Variants in MEI4 observed in about 807,000 individuals in gnomAD.
MEI4 encodes meiotic double-stranded break formation protein 4.
Under a neutral mutation model 31.4 loss-of-function variants are expected in MEI4, and 27 were observed. The ratio of observed to expected loss-of-function variants is 0.86; its 90% CI spans 0.63 to 1.19. MEI4 has a LOEUF of 1.19. Among genes scored for constraint, MEI4 ranks in the 50% most tolerant of loss-of-function variants. The pLI, the probability that MEI4 is intolerant of heterozygous loss-of-function variation, is 0.00. For missense variants in MEI4, 329 were observed against 398.9 expected, an observed-to-expected ratio of 0.82 and a Z score of 1.49; for synonymous variants, 122 against 145.4, an observed-to-expected ratio of 0.84 and a Z score of 1.16.
intron 3 of MEI4, among the ~76,000 whole-genome samples, chr6:77,775,352 G>A (rs962841586): frequency 1.3e-5 from 2 of 151,512 alleles, no homozygotes; most frequent in Admixed American, 6.6e-5. Context: ...CCTTTCCCCC[G>A]AGTCCCCAAA....
At chr6:77,727,458 G>T (rs768973639) in intron 2 of MEI4, among the ~76,000 whole-genome samples, 39 of 152,268 alleles carry the variant, frequency 2.6e-4, no homozygotes, top group Non-Finnish European at 4.0e-4. Flanking sequence ...GGGACAGTCT[G>T]AACTATTGAT....
chr6:77,837,674 T>G (rs1770253796), intron 4 of MEI4, among the ~76,000 whole-genome samples: 1 of 152,184 alleles, frequency 6.6e-6, no homozygotes, highest in South Asian at 2.1e-4. Flanking sequence ...ATCTTGATCT[T>G]TACATAAAAT....
At chr6:77,767,007 G>A (rs1377532240) in intron 3 of MEI4, among the ~76,000 whole-genome samples, 1 of 152,020 alleles carries the variant, frequency 6.6e-6, no homozygotes, top group Non-Finnish European at 1.5e-5. Flanking sequence ...TAACCACTCT[G>A]CTTTGAGAAT....
intron 3 of MEI4, among the ~76,000 whole-genome samples, chr6:77,766,415 TA>T (rs1768175333): frequency 6.6e-6 from 1 of 152,084 alleles, no homozygotes; most frequent in African/African-American, 2.4e-5. Flanking sequence ...ATCAGATATT[TA>T]TTTATTTATT....
chr6:77,713,889 C>T (rs1766521004), intron 2 of MEI4, among the ~76,000 whole-genome samples: 1 of 152,096 alleles, frequency 6.6e-6, no homozygotes, highest in Non-Finnish European at 1.5e-5. Flanking sequence ...GTCTGCCATG[C>T]TTATTGCCTC....
At chr6:77,710,539 A>AAAAT (rs1561953994) in intron 2 of MEI4, among the ~76,000 whole-genome samples, 1 of 120,744 alleles carries the variant, frequency 8.3e-6, no homozygotes. Flanking sequence ...AAAAAAAAAA[A>AAAAT]AAAGAAAAGG....
chr6:77,794,422 G>T (rs1769023715), intron 3 of MEI4, among the ~76,000 whole-genome samples: 1 of 152,076 alleles, frequency 6.6e-6, no homozygotes, highest in African/African-American at 2.4e-5. Context: ...TATTAGCCGG[G>T]TGTGGTGGTG....
At chr6:77,698,167 T>G (rs1257453843) in intron 2 of MEI4, among the ~76,000 whole-genome samples, 5 of 152,192 alleles carry the variant, frequency 3.3e-5, no homozygotes, top group Admixed American at 3.3e-4. Context: ...TGTCTCTGCA[T>G]GTGAGATGAG....
At chr6:77,755,773 A>G (rs1247362696) in intron 2 of MEI4, among the ~76,000 whole-genome samples, 1 of 151,840 alleles carries the variant, frequency 6.6e-6, no homozygotes, top group Non-Finnish European at 1.5e-5. Flanking sequence ...GATCTCCATA[A>G]TTATGTAATA....
intron 2 of MEI4, among the ~76,000 whole-genome samples, chr6:77,703,550 A>T (rs144703552): frequency 6.6e-6 from 1 of 152,064 alleles, no homozygotes; most frequent in Non-Finnish European, 1.5e-5. Flanking sequence ...TATATTTAGG[A>T]TTACATTTAT....
At chr6:77,756,482 G>C (rs1262876931) in intron 2 of MEI4, among the ~76,000 whole-genome samples, 1 of 151,910 alleles carries the variant, frequency 6.6e-6, no homozygotes, top group South Asian at 2.1e-4. Context: ...AACTAAATTG[G>C]TTATGGGTTA....
rs1043932483 is a variant in MEI4 at position 77,820,989 on chromosome 6, C to T, written c.769-7942C>T. Among the ~76,000 whole-genome samples, 1 of 151,890 alleles carries T rather than the reference C, an allele frequency of 6.6e-6. No individual in the cohort carries two copies. The highest frequency in any genetic ancestry group is 6.6e-5 in the Admixed American group (1 of 15,264). On this transcript the variant is annotated intron_variant, in intron 3 of 4. Transcript: ENST00000684080. This position sits in a 1 kb window ranked among gnomAD's most constrained non-coding sequence, Gnocchi z 4.5. Reference sequence around the variant, plus strand: ...TTCTCTATGTCTCTTAACCTCTACTCGTATATTGCATGCACATCATTTCTC... The same window carrying T: ...TTCTCTATGTCTCTTAACCTCTACTTGTATATTGCATGCACATCATTTCTC...
rs529262370 is a variant in MEI4, at chr6:77,904,305, T to A, written c.901-18784T>A. ...TGATAACAACGTAGCTTTAATTTTC[T>A]TTCCAACTTTTTTTTGTTTTAGGTT... On this transcript the variant is annotated intron_variant, in intron 4 of 4. Transcript: ENST00000684080. Among the ~76,000 whole-genome samples, 7 of 152,308 alleles carry A rather than the reference T, an allele frequency of 4.6e-5. No individual in the cohort carries two copies. In the East Asian group the frequency reaches 1.4e-3, roughly 29 times the overall value.
At chr6:77,673,001 G>C (rs1196691902) in intron 1 of MEI4, among the ~76,000 whole-genome samples, 1 of 152,202 alleles carries the variant, frequency 6.6e-6, no homozygotes, top group African/African-American at 2.4e-5. Flanking sequence ...AATCATGATA[G>C]ATGCTTTTGT....
chr6:77,920,266 T>A (rs7744772), intron 4 of MEI4, among the ~76,000 whole-genome samples: 102,187 of 151,922 alleles, frequency 0.67, 35,719 homozygotes, highest in East Asian at 0.92. Context: ...TTCTGGCAAA[T>A]CGAATCCAGC....
chr6:77,746,234 T>TA (rs1258606713), intron 2 of MEI4, among the ~76,000 whole-genome samples: 1 of 152,060 alleles, frequency 6.6e-6, no homozygotes, highest in East Asian at 1.9e-4. Context: ...GCAAGACTAA[T>TA]AAAGAAGAAA....
chr6:77,835,546 A>G (rs1007856699), intron 4 of MEI4, among the ~76,000 whole-genome samples: 2 of 152,078 alleles, frequency 1.3e-5, no homozygotes, highest in African/African-American at 2.4e-5. Flanking sequence ...AAACAATAAA[A>G]TGTTTCATAC....
chr6:77,744,785 A>G lies in MEI4; in HGVS notation c.233-16345A>G, dbSNP rs1269153389. 2.6e-5 allele frequency among the ~76,000 whole-genome samples: 4 copies of G among 152,360 alleles called. No individual in the cohort carries two copies. The East Asian group carries it at 7.7e-4, about 29-fold the overall frequency. ...CAGTCGATCTCTCGGCAGAAACCCT[A>G]GAAGCCAGAAGAGAGTGGGGGCCAA... On this transcript the variant is annotated intron_variant, in intron 2 of 4. Coordinates refer to ENST00000684080, the MANE Select transcript of MEI4 (RefSeq NM_001322247.2).
At chr6:77,913,201 G>T (rs1562036289) in intron 4 of MEI4, among the ~76,000 whole-genome samples, 1 of 152,058 alleles carries the variant, frequency 6.6e-6, no homozygotes, top group Non-Finnish European at 1.5e-5. Flanking sequence ...GCATATTGTT[G>T]ATTATGTTTG....
Sources: gnomAD v4.1 joint callset for allele counts (sites outside exome capture counted in the v4.1 genomes callset) on GRCh38, gnomAD v4.1.1 for gene constraint, Gnocchi (gnomAD v3.1) non-coding constraint, MANE v1.5 for transcripts, NCBI Gene and HGNC (gene_info 2026-07-23, HGNC 2026-07-21) for gene names.